NRXN3: variants seen among roughly 807,000 people sequenced by gnomAD.
The protein encoded by NRXN3 is neurexin 3, also known as neurexin III.
Under a neutral mutation model 137.6 loss-of-function variants are expected in NRXN3, and 32 were observed. The observed-to-expected ratio is 0.23, with a 90% CI of 0.18 to 0.31. NRXN3 has a LOEUF of 0.31. Among genes scored for constraint, NRXN3 ranks in the 10% least tolerant of loss-of-function variants. NRXN3 has a pLI of 1.00. For synonymous variants in NRXN3, 798 were observed against 784.5 expected (o/e 1.02, Z -0.29); for missense variants, 1,574 against 2,062.5 (o/e 0.76, Z 4.59).
rs140346537 is a variant in NRXN3, at chr14:78,426,250, G to A, written c.757+128390G>A. ...TCCCTTACAGGGTGGCCCAAGCACC[G>A]TGATCCTCCAAAGACACTAGGTCTG... On this transcript the variant is annotated intron_variant, in intron 4 of 20. Transcript: ENST00000335750. Among the ~76,000 whole-genome samples the A allele has an allele frequency of 2.8e-4, 42 of 152,328 alleles. No homozygotes were observed. In the East Asian group the frequency reaches 7.0e-3, roughly 25 times the overall value.
chr14:79,433,339 G>T (rs139815762), intron 15 of NRXN3, among the ~76,000 whole-genome samples: 2 of 152,198 alleles, frequency 1.3e-5, no homozygotes, highest in South Asian at 2.1e-4. Context: ...CTTGACCCCC[G>T]CAAGAACAGC....
chr14:79,592,088 C>A (rs1332533711), intron 16 of NRXN3, among the ~76,000 whole-genome samples: 1 of 152,148 alleles, frequency 6.6e-6, no homozygotes, highest in Non-Finnish European at 1.5e-5. Flanking sequence ...CCCAATTCTC[C>A]CCTTCCTCTA....
chr14:78,960,094 A>G (rs1015312357), intron 11 of NRXN3, among the ~76,000 whole-genome samples: 4 of 152,218 alleles, frequency 2.6e-5, no homozygotes, highest in African/African-American at 9.6e-5. Flanking sequence ...AAGCAGGGCC[A>G]AGTCACGAAA....
intron 1 of NRXN3, among the ~76,000 whole-genome samples, chr14:78,228,958 A>G (rs930205422): frequency 3.3e-5 from 5 of 152,218 alleles, no homozygotes; most frequent in Non-Finnish European, 7.3e-5. Flanking sequence ...AGACTCAGTA[A>G]AAAGGAAATG....
intron 16 of NRXN3, among the ~76,000 whole-genome samples, chr14:79,637,027 C>T (rs221475): frequency 0.26 from 39,284 of 152,060 alleles, 5,853 homozygotes; most frequent in African/African-American, 0.41. Flanking sequence ...TTGAGTTGTT[C>T]TGTTTTAATG....
At chr14:78,736,232 C>G (rs997336536) in intron 8 of NRXN3, among the ~76,000 whole-genome samples, 1 of 152,198 alleles carries the variant, frequency 6.6e-6, no homozygotes, top group Non-Finnish European at 1.5e-5. Flanking sequence ...CTCCACCTTT[C>G]GCTTAGCGTG....
At chr14:78,915,449 A>G (rs755874004) in intron 10 of NRXN3, among the ~76,000 whole-genome samples, 4 of 151,606 alleles carry the variant, frequency 2.6e-5, no homozygotes, top group Non-Finnish European at 5.9e-5. Context: ...AATAGTATTC[A>G]ATTTTCTGTT....
chr14:78,995,483 G>A (rs1386575921), intron 15 of NRXN3, among the ~76,000 whole-genome samples: 1 of 152,000 alleles, frequency 6.6e-6, no homozygotes, highest in Non-Finnish European at 1.5e-5. Context: ...ATGTTACCTT[G>A]GACATGATAA....
At chr14:79,791,517 A>G (rs2099145369) in intron 19 of NRXN3, among the ~76,000 whole-genome samples, 1 of 119,870 alleles carries the variant, frequency 8.3e-6, no homozygotes, top group African/African-American at 3.6e-5. Context: ...AATTATAATT[A>G]ATTATATATT....
chr14:79,465,998 TTTTC>T (rs1160522236), intron 15 of NRXN3, among the ~76,000 whole-genome samples: 1 of 152,216 alleles, frequency 6.6e-6, no homozygotes, highest in Non-Finnish European at 1.5e-5. Context: ...ATTACAAATA[TTTTC>T]TTTATTTTTA....
chr14:79,396,191 G>A (rs2095020804), intron 15 of NRXN3, among the ~76,000 whole-genome samples: 1 of 151,752 alleles, frequency 6.6e-6, no homozygotes, highest in Admixed American at 6.6e-5. Flanking sequence ...GAGTAAAGAG[G>A]CCTGTAATGT....
chr14:78,327,895 T>C (rs2080296386), intron 4 of NRXN3, among the ~76,000 whole-genome samples: 2 of 152,192 alleles, frequency 1.3e-5, no homozygotes, highest in South Asian at 4.2e-4. Context: ...TCCAGGGGAA[T>C]GTAGAGCAGT....
At chr14:79,214,146 A>G (rs2068120097) in intron 15 of NRXN3, among the ~76,000 whole-genome samples, 1 of 152,232 alleles carries the variant, frequency 6.6e-6, no homozygotes, top group Admixed American at 6.5e-5. Flanking sequence ...CTGATTATGA[A>G]AGTAATGCAT....
intron 4 of NRXN3, among the ~76,000 whole-genome samples, chr14:78,507,430 A>G (rs1036596122): frequency 1.3e-5 from 2 of 152,204 alleles, no homozygotes; most frequent in African/African-American, 4.8e-5. Context: ...ACAGATGGTC[A>G]CTGCCCCGGG....
chr14:79,072,133 AG>A (rs1358344184), intron 15 of NRXN3: 1 of 151,738 alleles, frequency 6.6e-6, no homozygotes, highest in Non-Finnish European at 1.5e-5. Context: ...TTCTTGAATG[AG>A]TGGGGGTTTC....
intron 10 of NRXN3, among the ~76,000 whole-genome samples, chr14:78,824,800 TA>T (rs200098201): frequency 2.0e-5 from 3 of 151,804 alleles, no homozygotes; most frequent in South Asian, 2.1e-4. Flanking sequence ...TAGAAATAAC[TA>T]AAAAAAATAC....
intron 4 of NRXN3, among the ~76,000 whole-genome samples, chr14:78,312,224 G>A (rs1004305899): frequency 6.6e-6 from 1 of 152,146 alleles, no homozygotes. Flanking sequence ...TAGTCTGCCT[G>A]GGAACTGATA....
At chr14:79,207,029 C>T (rs1043884990) in intron 15 of NRXN3, among the ~76,000 whole-genome samples, 1 of 152,170 alleles carries the variant, frequency 6.6e-6, no homozygotes, top group African/African-American at 2.4e-5. Flanking sequence ...GCGATGTCCC[C>T]CAGCACACCA....
At chr14:79,665,956 T>C (rs1198617005) in intron 17 of NRXN3, among the ~76,000 whole-genome samples, 1 of 152,146 alleles carries the variant, frequency 6.6e-6, no homozygotes, top group Non-Finnish European at 1.5e-5. Context: ...CAGGGTACAG[T>C]ATAGCATTTA....
Sources: gnomAD v4.1 joint callset for allele counts (sites outside exome capture counted in the v4.1 genomes callset) on GRCh38, gnomAD v4.1.1 for gene constraint, MANE v1.5 for transcripts, NCBI Gene and HGNC (gene_info 2026-07-23, HGNC 2026-07-21) for gene names.